KIZ: variants seen among roughly 807,000 people sequenced by gnomAD.
KIZ encodes the protein kizuna centrosomal protein, also known as centrosomal protein kizuna.
In KIZ, 68 loss-of-function variants were observed where a neutral mutation model predicts 79.6. The observed-to-expected ratio is 0.85, with a 90% CI of 0.70 to 1.05. The LOEUF (loss-of-function observed/expected upper bound fraction) is 1.05, where lower values mean the gene tolerates loss of function less well. KIZ is among the 50% of genes least tolerant of loss of function. KIZ has a pLI of 0.00. For missense variants in KIZ, 797 were observed against 800.4 expected, an observed-to-expected ratio of 1.00 and a Z score of 0.05; for synonymous variants, 280 against 281.8, an observed-to-expected ratio of 0.99 and a Z score of 0.06.
At chr20:21,208,046 T>G (rs1239552647) in intron 7 of KIZ, among the ~76,000 whole-genome samples, 1 of 152,198 alleles carries the variant, frequency 6.6e-6, no homozygotes, top group Non-Finnish European at 1.5e-5. Context: ...AGATACTGTT[T>G]GGGTTTTATT....
At chr20:21,214,464 A>G in intron 7 of KIZ, 71 bp from the exon 8 acceptor site, 2 of 1,057,896 alleles carry the variant, frequency 1.9e-6, no homozygotes, top group Non-Finnish European at 2.8e-6. Context: ...TTTGAAGGCT[A>G]TCTTTGAGAC....
chr20:21,184,755 T>C (rs999831539), intron 6 of KIZ, among the ~76,000 whole-genome samples: 7 of 152,196 alleles, frequency 4.6e-5, no homozygotes, highest in African/African-American at 7.2e-5. Flanking sequence ...ACTTTAATGT[T>C]TCCTGGGGCC....
At chr20:21,140,849 T>G (rs1600367932) in intron 3 of KIZ, among the ~76,000 whole-genome samples, 1 of 151,554 alleles carries the variant, frequency 6.6e-6, no homozygotes, top group Non-Finnish European at 1.5e-5. Flanking sequence ...AAAATTAAAT[T>G]TAAAATTAGC....
intron 4 of KIZ, among the ~76,000 whole-genome samples, chr20:21,155,135 C>T (rs1258502944): frequency 1.3e-5 from 2 of 152,084 alleles, no homozygotes; most frequent in Non-Finnish European, 2.9e-5. Flanking sequence ...ATATAGTTAC[C>T]GTACGAGGCA....
At position 21,205,541 on chromosome 20, in the gene KIZ, A is replaced by T. The variant is rs1167599993; in HGVS notation, c.1403A>T (p.His468Leu). ...GTACCGAGGGCACAGGTGGGTCAGC[A>T]TGTTGCCACCTTGAAAGAACATGAT... is the stretch of plus-strand genomic sequence containing the variant. ...SDVPRAQVGQ[H>L]VATLKEHDNS... The change falls in exon 7 of 13, where the codon CAT becomes CTT. Residue 468 changes from histidine (H) to leucine (L), a missense_variant. Coordinates refer to ENST00000619189, the MANE Select transcript of KIZ (RefSeq NM_018474.6). 6.4e-7 allele frequency: 1 copy of T among 1,572,268 alleles called. No individual in the cohort carries two copies. Among genetic ancestry groups the T allele is most frequent in the Non-Finnish European group, 8.7e-7 (1 of 1,152,710 alleles).
At chr20:21,243,015 A>G (rs2037271593) in intron 11 of KIZ, among the ~76,000 whole-genome samples, 1 of 152,062 alleles carries the variant, frequency 6.6e-6, no homozygotes, top group African/African-American at 2.4e-5. Flanking sequence ...GGAGGTGGGG[A>G]AATAATAGAC....
intron 4 of KIZ, among the ~76,000 whole-genome samples, chr20:21,154,480 ACTC>A (rs957967656): frequency 1.3e-5 from 2 of 152,146 alleles, no homozygotes; most frequent in Non-Finnish European, 2.9e-5. Context: ...GCTTCCCACA[ACTC>A]CTAACATTTT....
intron 12 of KIZ, chr20:21,244,500 G>C: frequency 1.8e-6 from 1 of 564,794 alleles, no homozygotes. Context: ...GACCACAGGG[G>C]CAGAGCATTG....
intron 6 of KIZ, among the ~76,000 whole-genome samples, chr20:21,182,932 T>G (rs755733215): frequency 4.6e-5 from 7 of 152,206 alleles, no homozygotes; most frequent in Non-Finnish European, 8.8e-5. Context: ...GTGGCTGGAT[T>G]TGGTCACTCC....
At chr20:21,211,826 C>T (rs763326852) in intron 7 of KIZ, among the ~76,000 whole-genome samples, 11 of 152,200 alleles carry the variant, frequency 7.2e-5, no homozygotes, top group Non-Finnish European at 1.3e-4. Flanking sequence ...CAGTGGCTCA[C>T]GCCTATAATC....
Position 21,126,108 on chromosome 20 carries a change from G to A in KIZ, c.-8G>A. On this transcript the variant is annotated 5_prime_UTR_variant, in exon 1 of 13. Coordinates refer to ENST00000619189, the MANE Select transcript of KIZ (RefSeq NM_018474.6). ...GAGGCTGTGCTGAGCTGGCGCAGCG[G>A]CAGCAGCATGAGCCGGACCCTCGCA... 6.6e-7 allele frequency: 1 copy of A among 1,509,668 alleles called. No individual in the cohort carries two copies. The highest frequency in any genetic ancestry group is 8.9e-7 in the Non-Finnish European group (1 of 1,129,694). The allele number at this position is 1,509,668 out of a possible 1,614,324, so 93.5% of individuals were successfully genotyped here. A position where few individuals can be genotyped will look rare whatever the true frequency, so the allele number is the denominator to read the frequency against.
intron 6 of KIZ, among the ~76,000 whole-genome samples, chr20:21,167,561 T>A (rs2034001158): frequency 7.4e-6 from 1 of 135,582 alleles, no homozygotes. Flanking sequence ...TTGTTTCGCT[T>A]TTTTTTTTTT....
chr20:21,220,575 C>T (rs1364501680), intron 9 of KIZ, among the ~76,000 whole-genome samples: 1 of 152,126 alleles, frequency 6.6e-6, no homozygotes, highest in African/African-American at 2.4e-5. Context: ...CCTCTGCCTC[C>T]CGGGTTCAAG....
At position 21,188,095 on chromosome 20, in the gene KIZ, C is replaced by G. The variant is rs531537454; in HGVS notation, c.1353-17396C>G. On this transcript the variant is annotated intron_variant, in intron 6 of 12. Coordinates refer to ENST00000619189, the MANE Select transcript of KIZ (RefSeq NM_018474.6). ...CAAAGTGAATCATAAAAACCTGAAC[C>G]CATTTTCCCCAAAGCCAGCCATAAA... Among the ~76,000 whole-genome samples, 10 of 152,280 alleles carry G rather than the reference C, an allele frequency of 6.6e-5. No homozygotes were observed. In the East Asian group the frequency reaches 1.9e-3, roughly 29 times the overall value.
At chr20:21,244,317 T>G in intron 12 of KIZ, 29 bp downstream of exon 12, 1 of 1,535,320 alleles carries the variant, frequency 6.5e-7, no homozygotes, top group Non-Finnish European at 9.0e-7. Flanking sequence ...CACTAGATTT[T>G]CTTTTTCTGT....
chr20:21,179,245 C>T (rs1472221773), intron 6 of KIZ, among the ~76,000 whole-genome samples: 2 of 139,078 alleles, frequency 1.4e-5, no homozygotes, highest in Non-Finnish European at 3.1e-5. Flanking sequence ...TTTTTGATTA[C>T]TGATTCAGTC....
Position 21,228,958 on chromosome 20 carries a change from T to G in KIZ, c.1679-53T>G, listed in dbSNP as rs45582936. On this transcript the variant is annotated intron_variant, in intron 9 of 12. Coordinates refer to ENST00000619189, the MANE Select transcript of KIZ (RefSeq NM_018474.6). ...TCTCATAGGAAGAATTTAAAAAGCT[T>G]CTTTCTGGCCAGTAAAAAATGTAAT... 4,822 of 965,692 alleles carry G rather than the reference T, an allele frequency of 5.0e-3. 23 individuals are homozygous for G. The highest frequency in any genetic ancestry group is 6.4e-3 in the Non-Finnish European group (4,050 of 630,948). 59.8% of individuals were successfully genotyped at this position (965,692 alleles called of 1,614,324 possible).
intron 3 of KIZ, among the ~76,000 whole-genome samples, chr20:21,139,542 G>A (rs2032398845): frequency 1.3e-5 from 2 of 152,154 alleles, no homozygotes; most frequent in African/African-American, 2.4e-5. Context: ...GCAAAGGAGG[G>A]AATTTTGTCT....
intron 4 of KIZ, among the ~76,000 whole-genome samples, chr20:21,153,855 C>T (rs1028365944): frequency 2.6e-5 from 4 of 152,044 alleles, no homozygotes; most frequent in African/African-American, 4.8e-5. Flanking sequence ...GATTAAGGTC[C>T]CACCATTATG....
Sources: allele counts gnomAD v4.1 joint callset (sites outside exome capture counted in the v4.1 genomes callset), GRCh38; gene constraint gnomAD v4.1.1; transcripts MANE v1.5; gene names NCBI Gene and HGNC (gene_info 2026-07-23, HGNC 2026-07-21).